Variants in PLXNA4 observed in about 807,000 individuals in gnomAD.
PLXNA4 encodes plexin A4, also known as plexin-A4.
Under a neutral mutation model 191.8 loss-of-function variants are expected in PLXNA4, and 44 were observed. That is an observed-to-expected ratio of 0.23 (90% CI 0.18 to 0.29). PLXNA4 has a LOEUF of 0.29. Ranked by LOEUF, PLXNA4 falls within the 10% of genes least tolerant of loss-of-function variation. The pLI is 1.00. For synonymous variants in PLXNA4, 1,082 were observed against 1,009.5 expected (o/e 1.07, Z -1.36); for missense variants, 1,800 against 2,488.8 (o/e 0.72, Z 5.89).
At chr7:132,214,859 A>C (rs1797916281) in intron 9 of PLXNA4, among the ~76,000 whole-genome samples, 1 of 152,174 alleles carries the variant, frequency 6.6e-6, no homozygotes, top group African/African-American at 2.4e-5. Flanking sequence ...GCTTGGCTTA[A>C]CCATGACTAG....
At chr7:132,504,988 G>T (rs527557137) in intron 2 of PLXNA4, among the ~76,000 whole-genome samples, 1 of 152,190 alleles carries the variant, frequency 6.6e-6, no homozygotes, top group Non-Finnish European at 1.5e-5. Flanking sequence ...AAAGGAACTC[G>T]GGTATCTGCC....
At chr7:132,551,325 G>A (rs1020345253) in intron 1 of PLXNA4, among the ~76,000 whole-genome samples, 3 of 152,112 alleles carry the variant, frequency 2.0e-5, no homozygotes, top group Non-Finnish European at 2.9e-5. Context: ...AGGAACCTGG[G>A]CTCCTGAATG....
At chr7:132,565,909 C>G (rs1196735052) in intron 1 of PLXNA4, among the ~76,000 whole-genome samples, 1 of 152,208 alleles carries the variant, frequency 6.6e-6, no homozygotes, top group Non-Finnish European at 1.5e-5. Flanking sequence ...AGCGACAGAG[C>G]TCCAGTGCTT....
chr7:132,202,264 C>T (rs957208974), intron 12 of PLXNA4, among the ~76,000 whole-genome samples: 5 of 152,160 alleles, frequency 3.3e-5, no homozygotes, highest in African/African-American at 9.7e-5. Flanking sequence ...GCCCCAACAC[C>T]CATGCCACCT....
intron 12 of PLXNA4, among the ~76,000 whole-genome samples, chr7:132,200,143 T>C (rs1389178673): frequency 6.6e-6 from 1 of 152,224 alleles, no homozygotes; most frequent in Non-Finnish European, 1.5e-5. Context: ...GTTTCCCAGG[T>C]TCCCCTAGGG....
At chr7:132,589,768 T>C (rs1802571985) in intron 2 of PLXNA4, among the ~76,000 whole-genome samples, 1 of 152,104 alleles carries the variant, frequency 6.6e-6, no homozygotes, top group Non-Finnish European at 1.5e-5. Flanking sequence ...CTTCTTGCAG[T>C]GGTAATTCAC....
chr7:132,537,089 A>G (rs1799873808), intron 1 of PLXNA4, among the ~76,000 whole-genome samples: 1 of 152,208 alleles, frequency 6.6e-6, no homozygotes, highest in African/African-American at 2.4e-5. Context: ...TGCCTGGAGG[A>G]GCGAGCTTTC....
rs759940973 is a variant in PLXNA4 at position 132,185,469 on chromosome 7, G to A, written c.2994-6C>T. ...CAATGTAGGATGGAGATCGCCTGGA[G>A]GGCAGGAAGACAGAGCACTGGGCGC... On this transcript the variant is annotated splice_region_variant and splice_polypyrimidine_tract_variant and intron_variant, in intron 15 of 31. Transcript: ENST00000321063. 1.9e-6 allele frequency: 3 copies of A among 1,609,962 alleles called. No homozygotes were observed. Among genetic ancestry groups the A allele is most frequent in the South Asian group, 1.1e-5 (1 of 90,154 alleles).
intron 2 of PLXNA4, among the ~76,000 whole-genome samples, chr7:132,490,374 A>C (rs1444776862): frequency 6.6e-6 from 1 of 150,856 alleles, no homozygotes; most frequent in African/African-American, 2.4e-5. Context: ...AGTATGTTTA[A>C]CCTTATCTCA....
chr7:132,195,552 A>G (rs532079198), intron 13 of PLXNA4, among the ~76,000 whole-genome samples: 2 of 152,348 alleles, frequency 1.3e-5, no homozygotes, highest in South Asian at 2.1e-4. Context: ...AGTCTGGACC[A>G]TGCACTTCTA....
chr7:132,547,436 T>C (rs1356745453), intron 1 of PLXNA4, among the ~76,000 whole-genome samples: 2 of 152,192 alleles, frequency 1.3e-5, no homozygotes, highest in African/African-American at 4.8e-5. Context: ...TAGGTCTTTG[T>C]ATGTCACTTA....
At chr7:132,318,661 CTTTTTTTTT>C (rs56179808) in intron 3 of PLXNA4, among the ~76,000 whole-genome samples, 5 of 109,916 alleles carry the variant, frequency 4.5e-5, no homozygotes, top group Non-Finnish European at 7.2e-5. Flanking sequence ...ACGCACTTTG[CTTTTTTTTT>C]TTTTTTTTTT....
chr7:132,524,420 A>G (rs980980257), intron 1 of PLXNA4, among the ~76,000 whole-genome samples: 1 of 152,206 alleles, frequency 6.6e-6, no homozygotes, highest in Non-Finnish European at 1.5e-5. Context: ...GAAAAGGGGA[A>G]ACAGCATTGA....
chr7:132,630,878 A>T (rs1207188255), intron 2 of PLXNA4, among the ~76,000 whole-genome samples: 1 of 152,180 alleles, frequency 6.6e-6, no homozygotes, highest in Non-Finnish European at 1.5e-5. Context: ...TAAGTGTTTG[A>T]TCTGTAAGTT....
chr7:132,227,375 C>A (rs1343495582), intron 7 of PLXNA4, 76 bp downstream of exon 7: 2 of 1,584,878 alleles, frequency 1.3e-6, no homozygotes, highest in African/African-American at 2.7e-5. Flanking sequence ...CTTTGATCCC[C>A]CCACATCTGT....
intron 2 of PLXNA4, among the ~76,000 whole-genome samples, chr7:132,609,014 C>T (rs1396383259): frequency 6.6e-6 from 1 of 152,110 alleles, no homozygotes; most frequent in Non-Finnish European, 1.5e-5. Context: ...ACCTGGGGGG[C>T]CCTTCCTACC....
chr7:132,335,201 T>A (rs565546111), intron 3 of PLXNA4, among the ~76,000 whole-genome samples: 6 of 152,296 alleles, frequency 3.9e-5, no homozygotes, highest in Non-Finnish European at 8.8e-5. Flanking sequence ...AGCTGAGCAG[T>A]TTTGTACAGC....
intron 3 of PLXNA4, among the ~76,000 whole-genome samples, chr7:132,354,504 T>C (rs1238334361): frequency 2.5e-4 from 38 of 152,208 alleles, no homozygotes; most frequent in Admixed American, 2.5e-3. Flanking sequence ...CTTTTGATCA[T>C]AATGCATCAT....
At chr7:132,369,254 C>T (rs1011549212) in intron 3 of PLXNA4, among the ~76,000 whole-genome samples, 4 of 152,212 alleles carry the variant, frequency 2.6e-5, no homozygotes, top group Non-Finnish European at 4.4e-5. Flanking sequence ...GATTCTCAGG[C>T]CCCCAGAGCC....
Sources: allele counts gnomAD v4.1 joint callset (sites outside exome capture counted in the v4.1 genomes callset), GRCh38; gene constraint gnomAD v4.1.1; transcripts MANE v1.5; gene names NCBI Gene and HGNC (gene_info 2026-07-23, HGNC 2026-07-21).